PRKN: variants seen among roughly 807,000 people sequenced by gnomAD.
The protein encoded by PRKN is E3 ubiquitin-protein ligase parkin.
In PRKN, 56 loss-of-function variants were observed where a neutral mutation model predicts 59.5. The observed-to-expected ratio is 0.94, with a 90% CI of 0.76 to 1.18. The LOEUF (loss-of-function observed/expected upper bound fraction) is 1.18. PRKN is among the 50% of genes most tolerant of loss of function. The pLI is 0.00. For missense variants in PRKN, 657 were observed against 596.4 expected, an observed-to-expected ratio of 1.10 and a Z score of -1.06; for synonymous variants, 250 against 222.1, an observed-to-expected ratio of 1.13 and a Z score of -1.12.
At chr6:162,641,071 G>C (rs2128224503) in intron 1 of PRKN, among the ~76,000 whole-genome samples, 1 of 152,202 alleles carries the variant, frequency 6.6e-6, no homozygotes, top group South Asian at 2.1e-4. Flanking sequence ...ACAATTTCCA[G>C]GGTCTTCTCA....
intron 6 of PRKN, among the ~76,000 whole-genome samples, chr6:161,948,608 T>C (rs1426497183): frequency 6.6e-6 from 1 of 151,970 alleles, no homozygotes; most frequent in Non-Finnish European, 1.5e-5. Context: ...CTGTGGAAAA[T>C]CAGATAAACA....
chr6:162,673,987 C>T lies in PRKN; in HGVS notation c.7+53675G>A, dbSNP rs535771145. The stretch of plus-strand genomic sequence containing the variant: ...TTCTGGGCCTCCTTTTCCTCCCATA[C>T]AGAATGGAGCTCTTATGAGAGCATC... On this transcript the variant is annotated intron_variant, in intron 1 of 11. Transcript: ENST00000366898. 2.0e-5 allele frequency among the ~76,000 whole-genome samples: 3 copies of T among 152,256 alleles called. No individual in the cohort carries two copies. In the East Asian group the frequency reaches 5.8e-4, roughly 29 times the overall value.
intron 1 of PRKN, among the ~76,000 whole-genome samples, chr6:162,535,582 A>T (rs1778682952): frequency 6.6e-6 from 1 of 151,996 alleles, no homozygotes; most frequent in African/African-American, 2.4e-5. Flanking sequence ...ATAAATAATA[A>T]TATTTCTCTA....
At chr6:162,720,220 A>T (rs1397272136) in intron 1 of PRKN, among the ~76,000 whole-genome samples, 1 of 152,162 alleles carries the variant, frequency 6.6e-6, no homozygotes, top group Non-Finnish European at 1.5e-5. Context: ...TAACTCCCTA[A>T]TCACCAATTT....
chr6:162,457,310 C>A (rs1002843132), intron 1 of PRKN, among the ~76,000 whole-genome samples: 3 of 152,058 alleles, frequency 2.0e-5, no homozygotes, highest in Non-Finnish European at 4.4e-5. Context: ...TATTAAAAAT[C>A]ATCTTTTACA....
chr6:161,617,789 G>A (rs1489010143), intron 7 of PRKN, among the ~76,000 whole-genome samples: 1 of 152,230 alleles, frequency 6.6e-6, no homozygotes. Context: ...GGCATGGGAT[G>A]GGGGGCAACC....
chr6:161,666,860 C>T (rs1784744487), intron 7 of PRKN, among the ~76,000 whole-genome samples: 1 of 152,140 alleles, frequency 6.6e-6, no homozygotes, highest in Non-Finnish European at 1.5e-5. Flanking sequence ...CTGGCAGACA[C>T]TCAGCAGAAG....
chr6:161,880,976 G>A (rs57236720), intron 6 of PRKN, among the ~76,000 whole-genome samples: 1 of 151,978 alleles, frequency 6.6e-6, no homozygotes, highest in African/African-American at 2.4e-5. Context: ...AGTTATGTGG[G>A]GTTTGCTTTT....
intron 1 of PRKN, among the ~76,000 whole-genome samples, chr6:162,449,699 C>G (rs1204754069): frequency 2.0e-5 from 3 of 152,058 alleles, no homozygotes; most frequent in Non-Finnish European, 4.4e-5. Context: ...CTTTGAAGAT[C>G]TTTGTGACAG....
At chr6:162,631,724 T>C (rs560356001) in intron 1 of PRKN, among the ~76,000 whole-genome samples, 1 of 152,298 alleles carries the variant, frequency 6.6e-6, no homozygotes, top group East Asian at 1.9e-4. Flanking sequence ...TTTGTTCTTG[T>C]TGCAATTGCT....
At chr6:162,115,119 G>C (rs1244472058) in intron 4 of PRKN, among the ~76,000 whole-genome samples, 1 of 152,080 alleles carries the variant, frequency 6.6e-6, no homozygotes, top group African/African-American at 2.4e-5. Flanking sequence ...TGATAGACTG[G>C]ATTAAGGAAA....
intron 1 of PRKN, among the ~76,000 whole-genome samples, chr6:162,718,577 G>A (rs1778812870): frequency 6.6e-6 from 1 of 152,084 alleles, no homozygotes; most frequent in Admixed American, 6.6e-5. Flanking sequence ...GCTGGGCATG[G>A]TGGCAGGCGC....
chr6:161,872,312 G>A (rs6936525), intron 6 of PRKN, among the ~76,000 whole-genome samples: 89,104 of 151,886 alleles, frequency 0.59, 27,254 homozygotes, highest in Middle Eastern at 0.69. Context: ...AAGCCATTGA[G>A]TAACTTGACT....
intron 4 of PRKN, among the ~76,000 whole-genome samples, chr6:162,159,021 C>G (rs1261298072): frequency 6.6e-6 from 1 of 151,988 alleles, no homozygotes; most frequent in Non-Finnish European, 1.5e-5. Flanking sequence ...AACCCTAAGC[C>G]TAGTCAGAGC....
At chr6:161,712,963 G>A (rs1786815645) in intron 7 of PRKN, among the ~76,000 whole-genome samples, 1 of 152,014 alleles carries the variant, frequency 6.6e-6, no homozygotes, top group Non-Finnish European at 1.5e-5. Context: ...TACCTACCTG[G>A]AAATAGCATC....
intron 3 of PRKN, among the ~76,000 whole-genome samples, chr6:162,255,458 A>C (rs533198684): frequency 6.6e-6 from 1 of 152,288 alleles, no homozygotes; most frequent in South Asian, 2.1e-4. Context: ...GGTATGTTTA[A>C]AAACAAAACA....
rs7755917 is a variant in PRKN, at chr6:162,029,190, C to T, written c.618+24901G>A. On this transcript the variant is annotated intron_variant, in intron 5 of 11. Coordinates refer to ENST00000366898, the MANE Select transcript of PRKN (RefSeq NM_004562.3). The stretch of plus-strand genomic sequence containing the variant: ...CTGCAGAAACAAACCCACCCACCTC[C>T]ACCCCCACACATGATACAGAGAAAT... Among the ~76,000 whole-genome samples the T allele has an allele frequency of 3.4e-3, 513 of 152,276 alleles. 4 individuals are homozygous for T. The highest frequency in any genetic ancestry group is 0.012 in the African/African-American group (481 of 41,552).
chr6:162,488,261 C>T (rs933575154), intron 1 of PRKN, among the ~76,000 whole-genome samples: 1 of 152,104 alleles, frequency 6.6e-6, no homozygotes, highest in Admixed American at 6.5e-5. Context: ...TGAGAATCTC[C>T]AGGCATGCAT....
chr6:161,837,731 A>T (rs1026303410), intron 6 of PRKN, among the ~76,000 whole-genome samples: 1 of 152,202 alleles, frequency 6.6e-6, no homozygotes. Flanking sequence ...TGCTTGGAAA[A>T]GCCCAGGTGA....
Sources: allele counts gnomAD v4.1 joint callset (sites outside exome capture counted in the v4.1 genomes callset), GRCh38; gene constraint gnomAD v4.1.1; transcripts MANE v1.5; gene names NCBI Gene and HGNC (gene_info 2026-07-23, HGNC 2026-07-21).